Variants in GLT8D2 observed in about 807,000 individuals in gnomAD.
GLT8D2 encodes glycosyltransferase 8 domain-containing protein 2.
A neutral mutation model predicts 44.5 loss-of-function variants in GLT8D2; 45 were observed. That is an observed-to-expected ratio of 1.01 (90% CI 0.80 to 1.30). The LOEUF (loss-of-function observed/expected upper bound fraction) is 1.30, where lower values mean the gene tolerates loss of function less well. Ranked by LOEUF, GLT8D2 falls within the 50% of genes most tolerant of loss-of-function variation. The pLI is 0.00. For missense variants in GLT8D2, 400 were observed against 430.4 expected, an observed-to-expected ratio of 0.93 and a Z score of 0.62; for synonymous variants, 156 against 157.2, an observed-to-expected ratio of 0.99 and a Z score of 0.06.
In GLT8D2 at chr12:104,055,333, T is replaced by C. The variant is rs190240894; in HGVS notation, c.-422-5045A>G. Among the ~76,000 whole-genome samples the C allele has an allele frequency of 5.1e-3, 779 of 152,226 alleles. 52 individuals carry two copies. The East Asian group carries it at 0.13, about 25-fold the overall frequency. ...TCAGGACACTGAACAGGTTGAAGGG[T>C]GGAGAGTAGATCTGTAGAAGTAAAT... is the stretch of plus-strand genomic sequence containing the variant. On this transcript the variant is annotated intron_variant, in intron 1 of 10. Coordinates refer to the GLT8D2 transcript ENST00000548660.
intron 1 of GLT8D2, among the ~76,000 whole-genome samples, chr12:104,032,643 T>A (rs1481562802): frequency 6.6e-6 from 1 of 152,048 alleles, no homozygotes; most frequent in Non-Finnish European, 1.5e-5. Context: ...ATGGCTATTA[T>A]CAAAAAGTCA....
chr12:104,003,624 C>T lies in GLT8D2; in HGVS notation c.113-318G>A, dbSNP rs569509550. On this transcript the variant is annotated intron_variant, in intron 4 of 10. Transcript: ENST00000360814. ...AAGGAATGCTCACTCACCCCCTTGC[C>T]TTTCCCCTTTCCCATTAGCTGGACT... Among the ~76,000 whole-genome samples the T allele has an allele frequency of 1.7e-3, 266 of 152,278 alleles. 1 individual carries two copies. The highest frequency in any genetic ancestry group is 6.2e-3 in the African/African-American group (258 of 41,552).
intron 3 of GLT8D2, among the ~76,000 whole-genome samples, 167 bp downstream of exon 3, chr12:104,019,463 C>A (rs910667080): frequency 6.6e-6 from 1 of 152,110 alleles, no homozygotes; most frequent in Non-Finnish European, 1.5e-5. Context: ...CTGAACAACT[C>A]TCCATGGGAA....
chr12:104,011,741 G>A (rs1315304725), intron 4 of GLT8D2, among the ~76,000 whole-genome samples: 1 of 152,028 alleles, frequency 6.6e-6, no homozygotes, highest in Non-Finnish European at 1.5e-5. Context: ...CCAAACAGAA[G>A]AGTATTTGGT....
chr12:104,060,966 A>T (rs930222176), intron 1 of GLT8D2, among the ~76,000 whole-genome samples: 4 of 152,050 alleles, frequency 2.6e-5, no homozygotes, highest in Non-Finnish European at 5.9e-5. Context: ...CAGGGAGAAC[A>T]CCACGTGATG....
chr12:103,999,265 G>A (rs569232113), intron 6 of GLT8D2, 132 bp downstream of exon 6: 16 of 601,522 alleles, frequency 2.7e-5, no homozygotes, highest in African/African-American at 5.5e-5. Context: ...ATACATAAGC[G>A]GAGTTTGGTG....
At chr12:104,025,541 C>G (rs1878475664) in intron 1 of GLT8D2, among the ~76,000 whole-genome samples, 1 of 152,168 alleles carries the variant, frequency 6.6e-6, no homozygotes, top group Non-Finnish European at 1.5e-5. Context: ...CTTTTGGTAT[C>G]ATATCTAATA....
intron 1 of GLT8D2, among the ~76,000 whole-genome samples, chr12:104,021,959 A>AGAAGAAGAGGAAGAAGAAGAGGAAGAG (rs1566202567): frequency 6.6e-5 from 1 of 15,038 alleles, no homozygotes. Flanking sequence ...AAGAAGAGGA[A>AGAAGAAGAGGAAGAAGAAGAGGAAGAG]GAAGAGGAAG....
At chr12:104,060,076 G>T (rs1882497629) in intron 1 of GLT8D2, among the ~76,000 whole-genome samples, 3 of 152,074 alleles carry the variant, frequency 2.0e-5, no homozygotes, top group South Asian at 2.1e-4. Context: ...TCCAACAGTT[G>T]CTTCTTCGTC....
At chr12:104,061,977 CA>C (rs34704257) in intron 1 of GLT8D2, among the ~76,000 whole-genome samples, 25,779 of 91,140 alleles carry the variant, frequency 0.28, 2,249 homozygotes, top group Admixed American at 0.36. Context: ...AACTCCATCT[CA>C]AAAAAAAAAA....
intron 1 of GLT8D2, among the ~76,000 whole-genome samples, chr12:104,033,219 C>G (rs1405158026): frequency 6.6e-6 from 1 of 150,806 alleles, no homozygotes; most frequent in African/African-American, 2.4e-5. Context: ...ATGGAATTAA[C>G]CTGTGTCCAT....
chr12:104,041,800 C>A (rs999878236), intron 1 of GLT8D2, among the ~76,000 whole-genome samples: 1 of 152,122 alleles, frequency 6.6e-6, no homozygotes, highest in African/African-American at 2.4e-5. Flanking sequence ...TATATAATGG[C>A]AATACAGTGT....
intron 7 of GLT8D2, 47 bp from the exon 8 acceptor site, chr12:103,996,894 T>G (rs753455691): frequency 5.1e-6 from 7 of 1,372,890 alleles, no homozygotes; most frequent in East Asian, 4.6e-5. Context: ...CATTTGTTTT[T>G]GGGCTAGATA....
intron 1 of GLT8D2, among the ~76,000 whole-genome samples, chr12:104,024,406 C>T (rs1350901768): frequency 6.6e-6 from 1 of 151,904 alleles, no homozygotes; most frequent in Non-Finnish European, 1.5e-5. Flanking sequence ...GCACTCCAGC[C>T]CCGGTGACAG....
At position 103,997,452 on chromosome 12, in the gene GLT8D2, T is replaced by C; in HGVS notation, c.486A>G (p.Gln162=). Residue 162 remains glutamine, a splice_region_variant and synonymous_variant, in exon 7 of 11, where the codon CAA becomes CAG. Coordinates refer to ENST00000360814, the MANE Select transcript of GLT8D2 (RefSeq NM_001384711.1). ...GTTCTTGGCAGTTAGCGAGAGTACC[T>C]TGTACAATTACATCATCGTCCAAAT... is the stretch of plus-strand genomic sequence containing the variant. The part of the protein sequence containing the change: ...VIYLDDDVIV[Q]GDIQELYDTT... 1.2e-6 allele frequency: 2 copies of C among 1,607,198 alleles called. No individual in the cohort carries two copies. The highest frequency in any genetic ancestry group is 1.7e-6 in the Non-Finnish European group (2 of 1,173,664).
chr12:103,997,512 G>C lies in GLT8D2; in HGVS notation c.426C>G (p.Leu142=). The C allele has an allele frequency of 6.2e-7, 1 of 1,613,698 alleles. No homozygotes were observed. Among genetic ancestry groups the C allele is most frequent in the Non-Finnish European group, 8.5e-7 (1 of 1,179,596 alleles). Residue 142 remains leucine (L), a synonymous_variant, in exon 7 of 11, where the codon CTC becomes CTG. Coordinates refer to ENST00000360814, the MANE Select transcript of GLT8D2 (RefSeq NM_001384711.1). ...LQPLNFVRFY[L]PLLIHQHEKV... ...TCTCGTGTTGGTGGATAAGTAGAGG[G>C]AGATAAAATCGAACAAAGTTCAGCT...
chr12:104,026,156 G>A (rs948412432), intron 1 of GLT8D2, among the ~76,000 whole-genome samples: 1 of 151,692 alleles, frequency 6.6e-6, no homozygotes, highest in African/African-American at 2.4e-5. Flanking sequence ...GGCCACACCT[G>A]TAATCTCAGC....
chr12:104,025,651 T>C (rs1878484608), intron 1 of GLT8D2, among the ~76,000 whole-genome samples: 1 of 152,254 alleles, frequency 6.6e-6, no homozygotes, highest in Non-Finnish European at 1.5e-5. Flanking sequence ...TTAATTTTTG[T>C]ATATATCATG....
chr12:104,035,257 T>C (rs1474817527), intron 1 of GLT8D2, among the ~76,000 whole-genome samples: 1 of 152,074 alleles, frequency 6.6e-6, no homozygotes, highest in Non-Finnish European at 1.5e-5. Flanking sequence ...GAGCGCCTCT[T>C]CTCCTCCAAA....
Sources: allele counts gnomAD v4.1 joint callset (sites outside exome capture counted in the v4.1 genomes callset), GRCh38; gene constraint gnomAD v4.1.1; transcripts MANE v1.5; gene names NCBI Gene and HGNC (gene_info 2026-07-23, HGNC 2026-07-21).